YME1L1: variants seen among roughly 807,000 people sequenced by gnomAD.
YME1L1 encodes the protein ATP-dependent zinc metalloprotease YME1L1.
YME1L1 carries 39 observed loss-of-function variants against 90.4 expected under a neutral mutation model. The observed-to-expected ratio is 0.43, with a 90% confidence interval of 0.33 to 0.56. The LOEUF (loss-of-function observed/expected upper bound fraction) is 0.56, where lower values mean the gene tolerates loss of function less well. YME1L1 is among the 20% of genes least tolerant of loss of function. The pLI is 0.03. For synonymous variants in YME1L1, 284 were observed against 287.3 expected (o/e 0.99, Z 0.12); for missense variants, 617 against 868.4 (o/e 0.71, Z 3.64).
At chr10:27,125,458 GAAAAAAA>G (rs68143135) in intron 9 of YME1L1, among the ~76,000 whole-genome samples, 2 of 107,712 alleles carry the variant, frequency 1.9e-5, no homozygotes, top group African/African-American at 3.6e-5. Flanking sequence ...TGTTTCATTT[GAAAAAAA>G]AAAAAAAAAA....
intron 14 of YME1L1, 73 bp downstream of exon 14, chr10:27,119,221 G>C: frequency 7.2e-7 from 1 of 1,389,894 alleles, no homozygotes; most frequent in Non-Finnish European, 9.6e-7. Context: ...TGTTTGAATA[G>C]AGTATTTGCC....
chr10:27,147,382 G>A, intron 2 of YME1L1: 1 of 1,561,086 alleles, frequency 6.4e-7, no homozygotes. Flanking sequence ...GACTGGATGA[G>A]AGAGAAGGCT....
intron 4 of YME1L1, among the ~76,000 whole-genome samples, 165 bp downstream of exon 4, chr10:27,142,222 C>T (rs2057095898): frequency 6.6e-6 from 1 of 152,066 alleles, no homozygotes. Context: ...ATATATTTTC[C>T]AGATTAAAAA....
At chr10:27,118,736 C>T (rs1314653907) in intron 14 of YME1L1, among the ~76,000 whole-genome samples, 1 of 152,132 alleles carries the variant, frequency 6.6e-6, no homozygotes, top group African/African-American at 2.4e-5. Context: ...TCCAGTTTAA[C>T]AAGAATATCA....
chr10:27,146,345 T>C (rs1234470426), intron 2 of YME1L1: 1 of 152,178 alleles, frequency 6.6e-6, no homozygotes, highest in Non-Finnish European at 1.5e-5. Context: ...CAAAACTGTG[T>C]GAAAATCAGG....
chr10:27,145,489 GT>G lies in YME1L1; in HGVS notation c.269del (p.Asn90ThrfsTer24). On this transcript the variant is annotated frameshift_variant, in exon 3 of 19. Transcript: ENST00000376016. LOFTEE classifies it high-confidence loss of function. ...NLLPGFCKGKNISSHWHTSHV... is the reference protein window; with the variant it reads ...NLLPGFCKGKXISSHWHTSHV... Reference sequence around the variant, plus strand: ...GGGATGTATGCCAATGGGAAGAAATGTTTTTGCCTTTACAAAATCCAGGAAG... The same window carrying G: ...GGGATGTATGCCAATGGGAAGAAATGTTTTGCCTTTACAAAATCCAGGAAG... 1 of 1,613,526 alleles carries G rather than the reference GT, an allele frequency of 6.2e-7. No individual in the cohort carries two copies. Among genetic ancestry groups the G allele is most frequent in the Non-Finnish European group, 8.5e-7 (1 of 1,179,646 alleles).
In YME1L1 at chr10:27,134,833, T is replaced by C. The variant is rs748621454; in HGVS notation, c.689A>G (p.Asn230Ser). Reference sequence around the variant, plus strand: ...CGGATGGTGTCAATTCAACTTACCATTGGTTTTTTGTGTGAGTGCTTGAGC... The same window carrying C: ...CGGATGGTGTCAATTCAACTTACCACTGGTTTTTTGTGTGAGTGCTTGAGC... ...LKAQALTQKT[N>S]DSLRRTRLIL... Residue 230 changes from asparagine to serine, a missense_variant and splice_region_variant, in exon 6 of 19, where the codon AAT becomes AGT. Transcript: ENST00000376016. 1.9e-6 allele frequency: 3 copies of C among 1,613,770 alleles called. No homozygotes were observed. The highest frequency in any genetic ancestry group is 1.7e-5 in the Admixed American group (1 of 60,012).
At chr10:27,131,794 T>A in intron 8 of YME1L1, 65 bp downstream of exon 8, 1 of 1,214,658 alleles carries the variant, frequency 8.2e-7, no homozygotes, top group East Asian at 2.4e-5. Flanking sequence ...GAATCAAATA[T>A]CGACCTCATA....
chr10:27,149,472 G>A (rs991362166), intron 1 of YME1L1, among the ~76,000 whole-genome samples: 5 of 152,062 alleles, frequency 3.3e-5, no homozygotes, highest in African/African-American at 1.2e-4. Context: ...CACTTTGGGA[G>A]ACCGAGGTGG....
At chr10:27,120,833 C>G (rs575475772) in intron 12 of YME1L1, among the ~76,000 whole-genome samples, 1 of 152,248 alleles carries the variant, frequency 6.6e-6, no homozygotes, top group African/African-American at 2.4e-5. Context: ...AATAATTCCA[C>G]AACAAACTAT....
At chr10:27,130,052 C>T (rs1289282335) in intron 8 of YME1L1, among the ~76,000 whole-genome samples, 1 of 152,188 alleles carries the variant, frequency 6.6e-6, no homozygotes, top group African/African-American at 2.4e-5. Flanking sequence ...TTTCTTTCCA[C>T]CTCTTGTAAA....
At chr10:27,121,352 C>G (rs1479609553) in intron 12 of YME1L1, 34 bp downstream of exon 12, 1 of 1,468,314 alleles carries the variant, frequency 6.8e-7, no homozygotes, top group Non-Finnish European at 9.5e-7. Flanking sequence ...TAGCATGTAA[C>G]AGTACTTCAC....
At chr10:27,151,716 C>T (rs2057218425) in intron 1 of YME1L1, among the ~76,000 whole-genome samples, 1 of 151,996 alleles carries the variant, frequency 6.6e-6, no homozygotes, top group Non-Finnish European at 1.5e-5. Flanking sequence ...CCCATCTCTA[C>T]TAAAAATACA....
chr10:27,130,625 G>A (rs148646216), intron 8 of YME1L1, among the ~76,000 whole-genome samples: 2 of 152,260 alleles, frequency 1.3e-5, no homozygotes, highest in African/African-American at 4.8e-5. Flanking sequence ...TTTGATCTGC[G>A]TGGATCACCT....
intron 1 of YME1L1, among the ~76,000 whole-genome samples, chr10:27,152,917 T>A (rs2057240808): frequency 6.6e-6 from 1 of 152,212 alleles, no homozygotes; most frequent in Non-Finnish European, 1.5e-5. Context: ...AATCTAATCA[T>A]GTTTTAAAAC....
At position 27,116,250 on chromosome 10, in the gene YME1L1, C is replaced by A; in HGVS notation, c.1815G>T (p.Glu605Asp). ...DVSMGGRVAE[E>D]LIFGTDHITT... is the part of the protein sequence containing the mutation. ...TAATATGGTCGGTTCCAAATATAAG[C>A]TCCTCTGCCACTCTTCCTCCCATAC... The change falls in exon 16 of 19, where the codon GAG becomes GAT. Residue 605 changes from glutamate (E) to aspartate (D), a missense_variant. Coordinates refer to ENST00000376016, the MANE Select transcript of YME1L1 (RefSeq NM_014263.4). 6.2e-7 allele frequency: 1 copy of A among 1,614,190 alleles called. No homozygotes were observed. The highest frequency in any genetic ancestry group is 8.5e-7 in the Non-Finnish European group (1 of 1,180,038).
intron 2 of YME1L1, chr10:27,146,173 T>G (rs2057141805): frequency 6.6e-6 from 1 of 152,234 alleles, no homozygotes; most frequent in South Asian, 2.1e-4. Context: ...ATGGAGCTTT[T>G]AAGCCCCTAA....
intron 17 of YME1L1, 93 bp downstream of exon 17, chr10:27,115,967 A>G (rs2056808566): frequency 3.0e-5 from 34 of 1,139,172 alleles, no homozygotes; most frequent in Non-Finnish European, 4.1e-5. Flanking sequence ...TGAGAGAAAA[A>G]GTGAATATTA....
chr10:27,148,981 A>T lies in YME1L1; in HGVS notation c.93T>A (p.Val31=), dbSNP rs199866937. 1 of 1,614,078 alleles carries T rather than the reference A, an allele frequency of 6.2e-7. No homozygotes were observed. Among genetic ancestry groups the T allele is most frequent in the African/African-American group, 1.3e-5 (1 of 75,054 alleles). ...NAFHTPKNTS[V]SLSGVSVSQN... Reference sequence around the variant, plus strand: ...GAGAAACTGACACTCCACTGAGAGAAACAGAAGTGTTTTTTGGTGTATGGA... The same window carrying T: ...GAGAAACTGACACTCCACTGAGAGATACAGAAGTGTTTTTTGGTGTATGGA... The change falls in exon 2 of 19, where the codon GTT becomes GTA. Residue 31 remains valine, a synonymous_variant. Transcript: ENST00000376016.
Sources: gnomAD v4.1 joint callset for allele counts (sites outside exome capture counted in the v4.1 genomes callset) on GRCh38, gnomAD v4.1.1 for gene constraint, MANE v1.5 for transcripts, NCBI Gene and HGNC (gene_info 2026-07-23, HGNC 2026-07-21) for gene names.